Variants in MYOZ3 observed in about 807,000 individuals in gnomAD.
MYOZ3 encodes the protein myozenin 3.
In MYOZ3, 19 loss-of-function variants were observed where a neutral mutation model predicts 26.5. The ratio of observed to expected loss-of-function variants is 0.72; its 90% CI spans 0.50 to 1.05. The LOEUF (loss-of-function observed/expected upper bound fraction) is 1.05. Ranked by LOEUF, MYOZ3 falls within the 50% of genes least tolerant of loss-of-function variation. The probability of loss-of-function intolerance (pLI) is 0.00; values close to 1 mark genes in which losing one functional copy is unlikely to be tolerated. For synonymous variants in MYOZ3, 135 were observed against 138.8 expected, an observed-to-expected ratio of 0.97 and a Z score of 0.19; for missense variants, 322 against 337.1, an observed-to-expected ratio of 0.96 and a Z score of 0.35.
At chr5:150,665,359 C>T (rs149869341) in intron 2 of MYOZ3, among the ~76,000 whole-genome samples, 110 of 152,210 alleles carry the variant, frequency 7.2e-4, no homozygotes, top group African/African-American at 2.5e-3. Flanking sequence ...GAGGCAAGGG[C>T]GCTGTGGAGC....
At chr5:150,666,760 CT>C (rs139707010) in intron 2 of MYOZ3, among the ~76,000 whole-genome samples, 1 of 149,614 alleles carries the variant, frequency 6.7e-6, no homozygotes, top group Non-Finnish European at 1.5e-5. Context: ...TACTGGATTT[CT>C]TTTTTTCTTT....
intron 6 of MYOZ3, among the ~76,000 whole-genome samples, chr5:150,675,238 G>GT (rs1758984940): frequency 6.7e-6 from 1 of 149,082 alleles, no homozygotes; most frequent in Admixed American, 6.6e-5. Context: ...GTGTGTGTGT[G>GT]GGGGTGTGTG....
At chr5:150,665,958 C>T (rs1039199065) in intron 2 of MYOZ3, among the ~76,000 whole-genome samples, 1 of 150,804 alleles carries the variant, frequency 6.6e-6, no homozygotes, top group Non-Finnish European at 1.5e-5. Context: ...TCGCTTGAAC[C>T]CGGGAGGCAG....
intron 6 of MYOZ3, 143 bp from the exon 7 acceptor site, chr5:150,676,562 AAG>A: frequency 2.9e-6 from 2 of 682,480 alleles, no homozygotes; most frequent in Non-Finnish European, 4.6e-6. Flanking sequence ...AAAAAAAAAA[AAG>A]ATGTACAGAA....
chr5:150,669,116 G>A (rs1581533654), intron 2 of MYOZ3: 1 of 152,044 alleles, frequency 6.6e-6, no homozygotes, highest in African/African-American at 2.4e-5. Context: ...ACTTGGAAAT[G>A]TGGAGATCTT....
At chr5:150,671,107 A>T (rs1758899960) in intron 3 of MYOZ3, among the ~76,000 whole-genome samples, 1 of 152,186 alleles carries the variant, frequency 6.6e-6, no homozygotes, top group Admixed American at 6.5e-5. Flanking sequence ...GGCAGCAGGC[A>T]GTTCCAGATA....
At position 150,678,909 on chromosome 5, in the gene MYOZ3, G is replaced by C. The variant is rs534276638; in HGVS notation, c.*2034G>C. The stretch of plus-strand genomic sequence containing the variant: ...TGAAGGAAAGCCTCTCATTGCTGTA[G>C]AGCTCTCCCTGCCTCTCTCTCTGGG... On this transcript the variant is annotated 3_prime_UTR_variant, in exon 7 of 7. Transcript: ENST00000517768. The C allele has an allele frequency of 2.0e-5, 3 of 152,390 alleles. No individual in the cohort carries two copies. Among genetic ancestry groups the C allele is most frequent in the Non-Finnish European group, 4.4e-5 (3 of 68,100 alleles). 9.4% of individuals were successfully genotyped at this position (152,390 alleles called of 1,614,324 possible).
intron 2 of MYOZ3, 83 bp downstream of exon 2, chr5:150,663,085 C>A: frequency 1.6e-6 from 2 of 1,219,940 alleles, no homozygotes; most frequent in Non-Finnish European, 2.3e-6. Flanking sequence ...CCTGCTGGCC[C>A]CAGGCCTGGG....
chr5:150,670,604 A>ACTTCT lies in MYOZ3; in HGVS notation c.182_183insCTTCT (p.Lys61AsnfsTer8), dbSNP rs1758890106. 8 of 1,612,244 alleles carry ACTTCT rather than the reference A, an allele frequency of 5.0e-6. No homozygotes were observed. In the East Asian group the frequency reaches 1.8e-4, roughly 36 times the overall value. ...CAGAAGAGGCAGCGCCGTGTGCAGA[A>ACTTCT]GTTCACTTTCGAGTTAGCAGCCAGC... On this transcript the variant is annotated frameshift_variant, in exon 3 of 7. Coordinates refer to ENST00000517768, the MANE Select transcript of MYOZ3 (RefSeq NM_001122853.3). LOFTEE classifies it high-confidence loss of function.
In MYOZ3 at chr5:150,672,615, C is replaced by A. The variant is rs1758939672; in HGVS notation, c.587+113C>A. 5 of 1,287,496 alleles carry A rather than the reference C, an allele frequency of 3.9e-6. No individual in the cohort carries two copies. The South Asian group carries it at 7.8e-5, about 20-fold the overall frequency. 79.8% of individuals were successfully genotyped at this position (1,287,496 alleles called of 1,614,324 possible). On this transcript the variant is annotated intron_variant, in intron 6 of 6. Coordinates refer to ENST00000517768, the MANE Select transcript of MYOZ3 (RefSeq NM_001122853.3). ...CTTTCTGCAGGCCAGGCTCTGTCCC[C>A]AGCGCTTTCTATTCATTGACTGAGC...
At chr5:150,672,154 C>T (rs770822147) in intron 5 of MYOZ3, 186 bp from the exon 6 acceptor site, 3 of 1,055,054 alleles carry the variant, frequency 2.8e-6, no homozygotes, top group South Asian at 2.7e-5. Context: ...TGCAGTCCTC[C>T]GTGTTTCCTG....
chr5:150,673,607 T>C (rs1758959365), intron 6 of MYOZ3, among the ~76,000 whole-genome samples: 1 of 152,198 alleles, frequency 6.6e-6, no homozygotes, highest in East Asian at 1.9e-4. Context: ...CCCAAAGTGC[T>C]GGGATTACAG....
intron 2 of MYOZ3, among the ~76,000 whole-genome samples, chr5:150,668,691 A>T (rs1758845472): frequency 6.6e-6 from 1 of 152,192 alleles, no homozygotes; most frequent in Non-Finnish European, 1.5e-5. Context: ...GGTCCTCACC[A>T]TTCTGTCCCC....
intron 1 of MYOZ3, among the ~76,000 whole-genome samples, chr5:150,662,579 G>A (rs1758750842): frequency 6.6e-6 from 1 of 152,122 alleles, no homozygotes; most frequent in East Asian, 1.9e-4. Context: ...TGGGTCAACC[G>A]ATGACAGTAG....
At chr5:150,667,289 C>T (rs1011043034) in intron 2 of MYOZ3, among the ~76,000 whole-genome samples, 12 of 152,166 alleles carry the variant, frequency 7.9e-5, no homozygotes, top group African/African-American at 2.9e-4. Flanking sequence ...CCCCTCTTCT[C>T]AAACCTCCAA....
chr5:150,669,263 CA>C (rs1040322819), intron 2 of MYOZ3: 1 of 152,128 alleles, frequency 6.6e-6, no homozygotes, highest in African/African-American at 2.4e-5. Context: ...GCCTGGCCAA[CA>C]TGTTGAAACC....
At position 150,676,338 on chromosome 5, in the gene MYOZ3, G is replaced by A. The variant is rs182731147; in HGVS notation, c.588-369G>A. On this transcript the variant is annotated intron_variant, in intron 6 of 6. Transcript: ENST00000517768. ...AGATGGGCGGATCATGAGGTCAGGAGTTTGAGACTAGCCTGGCCAACATGG... is the reference window on the plus strand; with the variant it reads ...AGATGGGCGGATCATGAGGTCAGGAATTTGAGACTAGCCTGGCCAACATGG... Among the ~76,000 whole-genome samples the A allele has an allele frequency of 5.9e-3, 903 of 152,220 alleles. 7 individuals are homozygous for A. Among genetic ancestry groups the A allele is most frequent in the Middle Eastern group, 0.017 (5 of 294 alleles).
intron 2 of MYOZ3, among the ~76,000 whole-genome samples, chr5:150,669,600 G>C (rs1027397315): frequency 1.8e-5 from 2 of 108,224 alleles, no homozygotes; most frequent in Non-Finnish European, 3.9e-5. Context: ...TCTGATATCT[G>C]TATTGTCCAA....
At position 150,671,896 on chromosome 5, in the gene MYOZ3, G is replaced by C; in HGVS notation, c.412G>C (p.Ala138Pro). Residue 138 changes from alanine (A) to proline (P), a missense_variant, in exon 5 of 7, where the codon GCC becomes CCC. By Grantham distance (27) the Ala-to-Pro change is conservative. Transcript: ENST00000517768. ...TGCTGGGTGCGTCCCCAGCCCCAGC[G>C]CCCTGGCGCCAGGTGAGTGGCCTCC... ...APAGCVPSPS[A>P]LAPGYAEPLK... 1 of 1,553,242 alleles carries C rather than the reference G, an allele frequency of 6.4e-7. No individual in the cohort carries two copies. The highest frequency in any genetic ancestry group is 8.7e-7 in the Non-Finnish European group (1 of 1,155,526).
Sources: gnomAD v4.1 joint callset for allele counts (sites outside exome capture counted in the v4.1 genomes callset) on GRCh38, gnomAD v4.1.1 for gene constraint, MANE v1.5 for transcripts, NCBI Gene and HGNC (gene_info 2026-07-23, HGNC 2026-07-21) for gene names.